ASXL2: variants seen among roughly 807,000 people sequenced by gnomAD.
ASXL2 encodes the protein ASXL transcriptional regulator 2, also known as putative Polycomb group protein ASXL2.
Under a neutral mutation model 122.0 loss-of-function variants are expected in ASXL2, and 23 were observed. The observed-to-expected ratio is 0.19, with a 90% confidence interval of 0.14 to 0.27. The LOEUF (loss-of-function observed/expected upper bound fraction) is 0.27, where lower values mean the gene tolerates loss of function less well. ASXL2 is among the 10% of genes least tolerant of loss of function. The probability of loss-of-function intolerance (pLI) is 1.00; values close to 1 mark genes in which losing one functional copy is unlikely to be tolerated. For missense variants in ASXL2, 1,518 were observed against 1,713.8 expected (o/e 0.89, Z 2.02); for synonymous variants, 650 against 637.0 (o/e 1.02, Z -0.31).
At chr2:25,762,534 G>A (rs1003707225) in intron 8 of ASXL2, among the ~76,000 whole-genome samples, 37 of 151,218 alleles carry the variant, frequency 2.4e-4, no homozygotes, top group Non-Finnish European at 3.2e-4. Flanking sequence ...GCGTGGTGGC[G>A]GGTCCCTGTA....
intron 1 of ASXL2, among the ~76,000 whole-genome samples, chr2:25,851,415 C>A (rs2089714900): frequency 1.3e-5 from 2 of 152,152 alleles, no homozygotes; most frequent in Admixed American, 1.3e-4. Flanking sequence ...TGAGAGCTCT[C>A]TAATTTACAT....
At chr2:25,854,461 G>C (rs1022443346) in intron 1 of ASXL2, among the ~76,000 whole-genome samples, 2 of 152,168 alleles carry the variant, frequency 1.3e-5, no homozygotes, top group African/African-American at 4.8e-5. Flanking sequence ...GCTAATTAAT[G>C]AAAAGAGCCA....
At chr2:25,750,764 T>C (rs1007914721) in intron 11 of ASXL2, among the ~76,000 whole-genome samples, 1 of 152,194 alleles carries the variant, frequency 6.6e-6, no homozygotes, top group East Asian at 1.9e-4. Flanking sequence ...TCAGTAATAG[T>C]AGTTATTATT....
intron 2 of ASXL2, among the ~76,000 whole-genome samples, chr2:25,835,913 C>A (rs1213789401): frequency 6.6e-6 from 1 of 152,190 alleles, no homozygotes; most frequent in Non-Finnish European, 1.5e-5. Context: ...CATCATAACG[C>A]CATCAGCTGT....
At chr2:25,759,856 C>T (rs2088210452) in intron 8 of ASXL2, among the ~76,000 whole-genome samples, 1 of 152,160 alleles carries the variant, frequency 6.6e-6, no homozygotes, top group Admixed American at 6.5e-5. Context: ...TACAATGTAT[C>T]TACCTTCTCT....
intron 3 of ASXL2, among the ~76,000 whole-genome samples, chr2:25,819,126 G>A (rs989578541): frequency 6.6e-6 from 1 of 152,108 alleles, no homozygotes; most frequent in African/African-American, 2.4e-5. Flanking sequence ...AACCACATGA[G>A]CTTGGAAGCT....
Position 25,738,794 on chromosome 2 carries a change from A to G in ASXL2, c.*3235T>C, listed in dbSNP as rs778935278. 1 of 152,154 alleles carries G rather than the reference A, an allele frequency of 6.6e-6. No individual in the cohort carries two copies. The highest frequency in any genetic ancestry group is 1.5e-5 in the Non-Finnish European group (1 of 68,014). 9.4% of individuals were successfully genotyped at this position (152,154 alleles called of 1,614,324 possible). ...TTAAATCTGAGATAAGCTCTAAAAC[A>G]TGTACATCCGTATGCCTTCACAGCC... is the stretch of plus-strand genomic sequence containing the variant. On this transcript the variant is annotated 3_prime_UTR_variant, in exon 13 of 13. Transcript: ENST00000435504.
intron 2 of ASXL2, among the ~76,000 whole-genome samples, chr2:25,840,661 T>G (rs973569332): frequency 6.6e-6 from 1 of 152,234 alleles, no homozygotes; most frequent in African/African-American, 2.4e-5. Context: ...AGCATAATGT[T>G]TTCAAGGTTC....
At chr2:25,854,676 A>T (rs141318070) in intron 1 of ASXL2, among the ~76,000 whole-genome samples, 5 of 152,342 alleles carry the variant, frequency 3.3e-5, no homozygotes, top group African/African-American at 1.2e-4. Context: ...TGATATGGAA[A>T]AGAGAAATAG....
At position 25,749,982 on chromosome 2, in the gene ASXL2, G is replaced by A. The variant is rs377610736; in HGVS notation, c.1574C>T (p.Pro525Leu). Residue 525 changes from proline (P) to leucine (L), a missense_variant, in exon 12 of 13, where the codon CCA (proline) becomes CTA (leucine). Pro to Leu is a moderately conservative substitution (Grantham distance 98). Coordinates refer to ENST00000435504, the MANE Select transcript of ASXL2 (RefSeq NM_018263.6). ...AACCCCAGGACTCTTGGGTTTGCTT[G>A]GCGATGTAACTAAAGATTCTTGGCT... is the stretch of plus-strand genomic sequence containing the variant. ...SESQESLVTS[P>L]SKPKSPGVEK... The A allele has an allele frequency of 1.9e-6, 3 of 1,613,932 alleles. No individual in the cohort carries two copies. The highest frequency in any genetic ancestry group is 2.5e-6 in the Non-Finnish European group (3 of 1,179,884).
rs1214183665 is a variant in ASXL2 at position 25,734,427 on chromosome 2, C to T, written c.*7602G>A. 6.6e-6 allele frequency: 1 copy of T among 152,108 alleles called. No homozygotes were observed. The highest frequency in any genetic ancestry group is 1.9e-4 in the East Asian group (1 of 5,204). The allele number at this position is 152,108 out of a possible 1,614,324, so 9.4% of individuals were successfully genotyped here. ...CTAAAATGAAAAGAACTGCTGACTTCGGGTCAAAGCCCAACTCTATTATAA... is the reference window on the plus strand; with the variant it reads ...CTAAAATGAAAAGAACTGCTGACTTTGGGTCAAAGCCCAACTCTATTATAA... On this transcript the variant is annotated 3_prime_UTR_variant, in exon 13 of 13. Coordinates refer to ENST00000435504, the MANE Select transcript of ASXL2 (RefSeq NM_018263.6).
At chr2:25,874,348 G>T (rs1055627794) in intron 1 of ASXL2, among the ~76,000 whole-genome samples, 1 of 152,128 alleles carries the variant, frequency 6.6e-6, no homozygotes, top group African/African-American at 2.4e-5. Flanking sequence ...AATCAGCCAG[G>T]TATGGCAGCG....
chr2:25,750,258 T>C lies in ASXL2; in HGVS notation c.1298A>G (p.Glu433Gly), dbSNP rs766677098. The C allele has an allele frequency of 6.2e-7, 1 of 1,614,030 alleles. No individual in the cohort carries two copies. Among genetic ancestry groups the C allele is most frequent in the Non-Finnish European group, 8.5e-7 (1 of 1,179,900 alleles). Residue 433 changes from glutamate to glycine, a missense_variant, in exon 12 of 13, where the codon GAA becomes GGA. Glu to Gly is a moderately conservative substitution (Grantham distance 98, BLOSUM62 -2). This residue lies in a region of ASXL2 where 292 missense variants were observed against 293.5 expected (regional missense o/e 1.00). Transcript: ENST00000435504. Reference sequence around the variant, plus strand: ...TGGTGATGACATTTGCAATGCTTCTTCTTTACACTCTGACTGGGAGACTAC... The same window carrying C: ...TGGTGATGACATTTGCAATGCTTCTCCTTTACACTCTGACTGGGAGACTAC... Reference protein sequence around the residue: ...VPVVSQSECKEEALQMSSPGR... With the variant: ...VPVVSQSECKGEALQMSSPGR...
In ASXL2 at chr2:25,742,628, A is replaced by G. The variant is rs368648407; in HGVS notation, c.3709T>C (p.Leu1237=). The change falls in exon 13 of 13, where the codon TTG becomes CTG. Residue 1237 remains leucine (L), a synonymous_variant. Coordinates refer to ENST00000435504, the MANE Select transcript of ASXL2 (RefSeq NM_018263.6). ...TTACTTAAAGTGGTTTGCTCATTCA[A>G]TGGTATCTCAGCCTTCACATTCTTG... The part of the protein sequence containing the change: ...ASKNVKAEIP[L]NEQTTLSKEN... The G allele has an allele frequency of 1.2e-5, 20 of 1,613,846 alleles. No individual in the cohort carries two copies. The highest frequency in any genetic ancestry group is 6.7e-5 in the East Asian group (3 of 44,890).
chr2:25,862,084 T>C (rs374982849), intron 1 of ASXL2, among the ~76,000 whole-genome samples: 24 of 152,360 alleles, frequency 1.6e-4, no homozygotes, highest in East Asian at 3.8e-4. Context: ...AGGAAACTTA[T>C]GTTACACATT....
At chr2:25,829,293 C>CAT (rs199556409) in intron 3 of ASXL2, among the ~76,000 whole-genome samples, 53 of 145,542 alleles carry the variant, frequency 3.6e-4, no homozygotes, top group African/African-American at 1.3e-3. Flanking sequence ...TACACATACA[C>CAT]ACACACACAC....
chr2:25,863,176 A>T (rs1191087124), intron 1 of ASXL2, among the ~76,000 whole-genome samples: 4 of 151,832 alleles, frequency 2.6e-5, no homozygotes, highest in African/African-American at 9.7e-5. Context: ...AAAAAATACA[A>T]AAAATTAGCC....
At chr2:25,768,918 T>A (rs755975151) in intron 6 of ASXL2, 50 bp from the exon 7 acceptor site, 2 of 1,573,924 alleles carry the variant, frequency 1.3e-6, no homozygotes, top group South Asian at 2.4e-5. Flanking sequence ...AGTTTTTTAG[T>A]AATAATATAA....
Position 25,803,322 on chromosome 2 carries a change from A to G in ASXL2, c.252+2907T>C, listed in dbSNP as rs558641542. Among the ~76,000 whole-genome samples the G allele has an allele frequency of 3.0e-4, 45 of 152,304 alleles. 1 individual carries two copies. In the South Asian group the frequency reaches 9.3e-3, roughly 32 times the overall value. ...TAATATCCTTTATAATAAATGGGTA[A>G]ATGTAAGTAAAGCATTTTCCTGAGT... On this transcript the variant is annotated intron_variant, in intron 4 of 12. Transcript: ENST00000435504.
Sources: gnomAD v4.1 joint callset for allele counts (sites outside exome capture counted in the v4.1 genomes callset) on GRCh38, gnomAD v4.1.1 for gene constraint, gnomAD v4.1.1 regional missense constraint, MANE v1.5 for transcripts, NCBI Gene and HGNC (gene_info 2026-07-23, HGNC 2026-07-21) for gene names.